The following HFM1 variants were observed in gnomAD, a reference collection of about 807,000 sequenced individuals.
The protein encoded by HFM1 is probable ATP-dependent DNA helicase HFM1.
HFM1 carries 169 observed loss-of-function variants against 192.1 expected under a neutral mutation model. That is an observed-to-expected ratio of 0.88 (90% CI 0.78 to 1.00). The LOEUF (loss-of-function observed/expected upper bound fraction) is 1.00, where lower values mean the gene tolerates loss of function less well. Ranked by LOEUF, HFM1 falls within the 50% of genes least tolerant of loss-of-function variation. The pLI is 0.00. For missense variants in HFM1, 1,661 were observed against 1,668.0 expected (o/e 1.00, Z 0.07); for synonymous variants, 525 against 537.8 (o/e 0.98, Z 0.33).
chr1:91,293,080 G>A (rs1668969101), intron 30 of HFM1, among the ~76,000 whole-genome samples: 1 of 152,120 alleles, frequency 6.6e-6, no homozygotes, highest in Non-Finnish European at 1.5e-5. Flanking sequence ...TTGAACGTTA[G>A]ACCTAAAACC....
intron 2 of HFM1, among the ~76,000 whole-genome samples, chr1:91,399,664 A>T (rs1014371950): frequency 1.3e-5 from 2 of 151,950 alleles, no homozygotes; most frequent in Non-Finnish European, 1.5e-5. Context: ...TTGCTCTAAC[A>T]CTCTGCCTTC....
chr1:91,300,498 C>A (rs1008616507), intron 30 of HFM1, among the ~76,000 whole-genome samples: 1 of 152,120 alleles, frequency 6.6e-6, no homozygotes, highest in African/African-American at 2.4e-5. Context: ...GAATTTTAGA[C>A]CAATATCCCT....
At chr1:91,281,804 G>A (rs1166496451) in intron 30 of HFM1, among the ~76,000 whole-genome samples, 2 of 152,140 alleles carry the variant, frequency 1.3e-5, no homozygotes, top group African/African-American at 2.4e-5. Flanking sequence ...ACAGCTCACC[G>A]CAGCCTCGAA....
chr1:91,292,056 A>G (rs1187445190), intron 30 of HFM1, among the ~76,000 whole-genome samples: 3 of 152,122 alleles, frequency 2.0e-5, no homozygotes, highest in East Asian at 1.9e-4. Flanking sequence ...GTATCTCAAA[A>G]TAATAACAGC....
chr1:91,341,296 A>C (rs1655292819), intron 20 of HFM1, among the ~76,000 whole-genome samples: 1 of 152,198 alleles, frequency 6.6e-6, no homozygotes, highest in African/African-American at 2.4e-5. Flanking sequence ...AAAGCCATAC[A>C]ATTACATGGA....
Position 91,266,006 on chromosome 1 carries a change from C to A in HFM1, c.3974+11G>T. 6.3e-7 allele frequency: 1 copy of A among 1,588,436 alleles called. No homozygotes were observed. Among genetic ancestry groups the A allele is most frequent in the African/African-American group, 1.4e-5 (1 of 72,634 alleles). On this transcript the variant is annotated intron_variant, in intron 36 of 38. Coordinates refer to ENST00000370425, the MANE Select transcript of HFM1 (RefSeq NM_001017975.6). ...GTTGCAAATATTACAAACCTAAGTT[C>A]TAAAACTTGCCTGTTTGACATTTCT...
At chr1:91,367,761 T>A (rs1229626567) in intron 13 of HFM1, among the ~76,000 whole-genome samples, 1 of 151,968 alleles carries the variant, frequency 6.6e-6, no homozygotes, top group African/African-American at 2.4e-5. Flanking sequence ...GGAGAATGAC[T>A]GACGAGTTGA....
chr1:91,321,055 C>A (rs1419486410), intron 23 of HFM1, among the ~76,000 whole-genome samples: 1 of 152,142 alleles, frequency 6.6e-6, no homozygotes, highest in African/African-American at 2.4e-5. Context: ...CCTGTCAGTT[C>A]ACTGAAAAAT....
chr1:91,285,120 A>G (rs1667829177), intron 30 of HFM1, among the ~76,000 whole-genome samples: 1 of 152,120 alleles, frequency 6.6e-6, no homozygotes, highest in Non-Finnish European at 1.5e-5. Flanking sequence ...ACTTTCTGCC[A>G]TGATTGTGAG....
chr1:91,335,520 G>GA (rs896344136), intron 20 of HFM1, among the ~76,000 whole-genome samples: 2 of 152,236 alleles, frequency 1.3e-5, no homozygotes, highest in African/African-American at 2.4e-5. Flanking sequence ...CAGAGGGAAT[G>GA]AAAAGTAATT....
In HFM1 at chr1:91,316,403, C is replaced by T. The variant is rs1158510051; in HGVS notation, c.2886G>A (p.Arg962=). 3.8e-6 allele frequency: 6 copies of T among 1,561,460 alleles called. 1 individual carries two copies. Among genetic ancestry groups the T allele is most frequent in the Non-Finnish European group, 4.4e-6 (5 of 1,142,136 alleles). Residue 962 remains arginine, a synonymous_variant, in exon 26 of 39, where the codon AGG becomes AGA. Coordinates refer to ENST00000370425, the MANE Select transcript of HFM1 (RefSeq NM_001017975.6). ...SFKKIEETDA[R]ELELILNRHP... Reference sequence around the variant, plus strand: ...TGAATATAACTACCAATTCAAGTTCCCTTGCATCTGTCTCTTCTATTTTTT... The same window carrying T: ...TGAATATAACTACCAATTCAAGTTCTCTTGCATCTGTCTCTTCTATTTTTT...
At chr1:91,295,675 T>C (rs1647435153) in intron 30 of HFM1, among the ~76,000 whole-genome samples, 2 of 152,218 alleles carry the variant, frequency 1.3e-5, no homozygotes, top group Non-Finnish European at 2.9e-5. Flanking sequence ...TCACATTCTG[T>C]GAGTTGCACC....
chr1:91,360,941 G>C (rs1658411104), intron 13 of HFM1, among the ~76,000 whole-genome samples: 1 of 152,104 alleles, frequency 6.6e-6, no homozygotes, highest in African/African-American at 2.4e-5. Context: ...GCTCCTGAAT[G>C]ACTCTTGGGT....
chr1:91,313,296 T>C, intron 30 of HFM1, 53 bp downstream of exon 30: 1 of 1,087,012 alleles, frequency 9.2e-7, no homozygotes, highest in African/African-American at 1.6e-5. Flanking sequence ...TGATACTCCT[T>C]CCTAGCCATA....
chr1:91,378,254 A>G (rs1001017810), intron 10 of HFM1, 71 bp from the exon 11 acceptor site: 43 of 1,287,796 alleles, frequency 3.3e-5, no homozygotes, highest in African/African-American at 1.5e-5. Context: ...AAAATATTCA[A>G]TAATATTAAC....
chr1:91,402,579 T>C (rs1458714489), intron 1 of HFM1, among the ~76,000 whole-genome samples: 5 of 152,156 alleles, frequency 3.3e-5, no homozygotes, highest in Admixed American at 1.3e-4. Context: ...TTCAGAAATA[T>C]GCGAAGTCTT....
intron 4 of HFM1, among the ~76,000 whole-genome samples, chr1:91,392,239 A>C (rs1294341609): frequency 9.9e-5 from 15 of 152,248 alleles, no homozygotes; most frequent in African/African-American, 3.6e-4. Flanking sequence ...CAGCCATCCC[A>C]TTACTGGGTA....
chr1:91,385,123 CAA>C (rs1662031830), intron 6 of HFM1, 62 bp downstream of exon 6: 1 of 959,380 alleles, frequency 1.0e-6, no homozygotes, highest in African/African-American at 1.7e-5. Flanking sequence ...CACAATTAAA[CAA>C]ATGTTTTAAA....
intron 11 of HFM1, chr1:91,377,468 T>A (rs1320897452): frequency 6.6e-6 from 1 of 151,996 alleles, no homozygotes; most frequent in Admixed American, 6.6e-5. Flanking sequence ...TACTTAAAAA[T>A]TGAAGAAAAA....
Sources: allele counts gnomAD v4.1 joint callset (sites outside exome capture counted in the v4.1 genomes callset), GRCh38; gene constraint gnomAD v4.1.1; transcripts MANE v1.5; gene names NCBI Gene and HGNC (gene_info 2026-07-23, HGNC 2026-07-21).